Variants in KCTD8 observed in about 807,000 individuals in gnomAD.
The protein encoded by KCTD8 is BTB/POZ domain-containing protein KCTD8.
Under a neutral mutation model 31.5 loss-of-function variants are expected in KCTD8, and 27 were observed. The observed-to-expected ratio is 0.86, with a 90% CI of 0.63 to 1.18. KCTD8 has a LOEUF of 1.18. KCTD8 is among the 50% of genes most tolerant of loss of function. The pLI, the probability that KCTD8 is intolerant of heterozygous loss-of-function variation, is 0.00. For synonymous variants in KCTD8, 290 were observed against 280.0 expected (o/e 1.04, Z -0.36); for missense variants, 658 against 647.7 (o/e 1.02, Z -0.17).
At chr4:44,290,162 A>C (rs1717227899) in intron 1 of KCTD8, among the ~76,000 whole-genome samples, 4 of 152,162 alleles carry the variant, frequency 2.6e-5, no homozygotes, top group Admixed American at 2.6e-4. Context: ...CAGGAATCAC[A>C]ATTCTTATAT....
At chr4:44,293,970 T>G (rs1324153358) in intron 1 of KCTD8, 5 of 283,548 alleles carry the variant, frequency 1.8e-5, no homozygotes, top group Admixed American at 4.4e-5. Flanking sequence ...AGATTTAACA[T>G]CACTAATAAT....
chr4:44,237,082 G>T (rs1424298980), intron 1 of KCTD8, among the ~76,000 whole-genome samples: 5 of 152,080 alleles, frequency 3.3e-5, no homozygotes. Context: ...AGCAGCATGA[G>T]AACAGACCAA....
intron 1 of KCTD8, among the ~76,000 whole-genome samples, chr4:44,278,771 G>C (rs994337351): frequency 6.6e-6 from 1 of 151,910 alleles, no homozygotes; most frequent in Admixed American, 6.6e-5. Flanking sequence ...CATCCTTTCT[G>C]ACCTCTCAAC....
intron 1 of KCTD8, among the ~76,000 whole-genome samples, chr4:44,434,344 C>A (rs779657645): frequency 2.0e-5 from 3 of 151,874 alleles, no homozygotes; most frequent in South Asian, 4.2e-4. Context: ...GCTTTCTATG[C>A]GTCATATCAT....
At chr4:44,443,570 T>C (rs1236019513) in intron 1 of KCTD8, among the ~76,000 whole-genome samples, 3 of 152,212 alleles carry the variant, frequency 2.0e-5, no homozygotes, top group Non-Finnish European at 4.4e-5. Context: ...CATTAATTCC[T>C]AGATCTGGCA....
intron 1 of KCTD8, among the ~76,000 whole-genome samples, chr4:44,367,845 T>A (rs1365051779): frequency 6.6e-6 from 1 of 151,184 alleles, no homozygotes; most frequent in Non-Finnish European, 1.5e-5. Context: ...AAGCTTTCAT[T>A]GTAGGTTGCT....
intron 1 of KCTD8, among the ~76,000 whole-genome samples, chr4:44,367,694 T>C (rs1386283640): frequency 1.3e-5 from 2 of 152,170 alleles, no homozygotes; most frequent in Non-Finnish European, 2.9e-5. Context: ...TGACAGTGTT[T>C]CTTTTGCTGA....
intron 1 of KCTD8, among the ~76,000 whole-genome samples, chr4:44,260,095 G>T (rs1246391225): frequency 6.6e-6 from 1 of 151,470 alleles, no homozygotes; most frequent in African/African-American, 2.4e-5. Flanking sequence ...TGCTAAACTT[G>T]TCACAAGCAA....
chr4:44,288,301 G>A (rs1717163568), intron 1 of KCTD8, among the ~76,000 whole-genome samples: 1 of 152,126 alleles, frequency 6.6e-6, no homozygotes, highest in Non-Finnish European at 1.5e-5. Context: ...TGAATAGAAA[G>A]TCATTGACAA....
chr4:44,359,098 C>G (rs1719432410), intron 1 of KCTD8, among the ~76,000 whole-genome samples: 1 of 152,066 alleles, frequency 6.6e-6, no homozygotes, highest in African/African-American at 2.4e-5. Flanking sequence ...AAAAATTTAT[C>G]CAGTTCTATA....
At position 44,401,039 on chromosome 4, in the gene KCTD8, G is replaced by C. The variant is rs1344162206; in HGVS notation, c.961+46524C>G. On this transcript the variant is annotated intron_variant, in intron 1 of 1. Coordinates refer to ENST00000360029, the MANE Select transcript of KCTD8 (RefSeq NM_198353.3). Reference sequence around the variant, plus strand: ...TTTTTTTTTTTTTTTTTTTTGTAGAGATGGGGTCTCACTATGTTGTCTAGG... The same window carrying C: ...TTTTTTTTTTTTTTTTTTTTGTAGACATGGGGTCTCACTATGTTGTCTAGG... Among the ~76,000 whole-genome samples the C allele has an allele frequency of 3.7e-5, 4 of 109,500 alleles. No individual in the cohort carries two copies. In the Admixed American group the frequency reaches 4.8e-4, roughly 13 times the overall value. The allele number at this position is 109,500 out of a possible 152,430, so 71.8% of individuals were successfully genotyped here.
chr4:44,235,552 T>G (rs1199816437), intron 1 of KCTD8, among the ~76,000 whole-genome samples: 8 of 89,088 alleles, frequency 9.0e-5, no homozygotes, highest in African/African-American at 4.1e-4. Context: ...TATATATATA[T>G]ATATATATAT....
chr4:44,392,686 TA>T (rs1370864888), intron 1 of KCTD8, among the ~76,000 whole-genome samples: 2 of 152,068 alleles, frequency 1.3e-5, no homozygotes, highest in Non-Finnish European at 2.9e-5. Context: ...CTTCTGGAGC[TA>T]AAAATAGCAA....
rs544240923 is a variant in KCTD8 at position 44,252,631 on chromosome 4, G to A, written c.962-77381C>T. Among the ~76,000 whole-genome samples, 21 of 151,710 alleles carry A rather than the reference G, an allele frequency of 1.4e-4. 1 individual carries two copies. The highest frequency in any genetic ancestry group is 4.3e-4 in the African/African-American group (18 of 41,446). On this transcript the variant is annotated intron_variant, in intron 1 of 1. Coordinates refer to ENST00000360029, the MANE Select transcript of KCTD8 (RefSeq NM_198353.3). Reference sequence around the variant, plus strand: ...GGTTATTTCCTCTTTATTTTTTACTGTAAAAATTTTAGTAAATGACTTTTC... The same window carrying A: ...GGTTATTTCCTCTTTATTTTTTACTATAAAAATTTTAGTAAATGACTTTTC...
At chr4:44,383,643 C>T (rs1041338810) in intron 1 of KCTD8, among the ~76,000 whole-genome samples, 2 of 151,892 alleles carry the variant, frequency 1.3e-5, no homozygotes, top group African/African-American at 4.8e-5. Context: ...TGGATCCCTA[C>T]CTCTCACCAC....
intron 1 of KCTD8, among the ~76,000 whole-genome samples, chr4:44,283,293 G>T (rs1716953346): frequency 6.6e-6 from 1 of 151,940 alleles, no homozygotes; most frequent in Admixed American, 6.6e-5. Flanking sequence ...CAGGTGATCT[G>T]CCCACTGTGG....
At chr4:44,438,015 T>C (rs1305262258) in intron 1 of KCTD8, among the ~76,000 whole-genome samples, 1 of 152,124 alleles carries the variant, frequency 6.6e-6, no homozygotes, top group Non-Finnish European at 1.5e-5. Flanking sequence ...TAGCAACTTT[T>C]CTTATCAAAA....
intron 1 of KCTD8, among the ~76,000 whole-genome samples, chr4:44,193,090 T>C (rs1254035810): frequency 6.6e-6 from 1 of 152,164 alleles, no homozygotes; most frequent in African/African-American, 2.4e-5. Flanking sequence ...CCCTGACTAA[T>C]ACACCACTAG....
At chr4:44,209,720 G>A (rs968552737) in intron 1 of KCTD8, among the ~76,000 whole-genome samples, 3 of 152,066 alleles carry the variant, frequency 2.0e-5, no homozygotes, top group Non-Finnish European at 2.9e-5. Context: ...AGTTCATTGT[G>A]TGTTAACATT....
Sources: gnomAD v4.1 joint callset for allele counts (sites outside exome capture counted in the v4.1 genomes callset) on GRCh38, gnomAD v4.1.1 for gene constraint, MANE v1.5 for transcripts, NCBI Gene and HGNC (gene_info 2026-07-23, HGNC 2026-07-21) for gene names.